PTPRD: variants seen among roughly 807,000 people sequenced by gnomAD.
The protein encoded by PTPRD is receptor-type tyrosine-protein phosphatase delta.
PTPRD carries 34 observed loss-of-function variants against 214.5 expected under a neutral mutation model. The ratio of observed to expected loss-of-function variants is 0.16; its 90% CI spans 0.12 to 0.21. PTPRD has a LOEUF of 0.21. PTPRD is among the 10% of genes least tolerant of loss of function. PTPRD has a pLI of 1.00. For synonymous variants in PTPRD, 1,128 were observed against 845.7 expected (o/e 1.33, Z -5.79); for missense variants, 2,545 against 2,398.7 (o/e 1.06, Z -1.27).
rs560843984 is a variant in PTPRD at position 8,955,189 on chromosome 9, G to C, written c.-104+63508C>G. Among the ~76,000 whole-genome samples, 42 of 151,996 alleles carry C rather than the reference G, an allele frequency of 2.8e-4. No homozygotes were observed. In the East Asian group the frequency reaches 5.2e-3, roughly 19 times the overall value. On this transcript the variant is annotated intron_variant, in intron 11 of 45. Coordinates refer to ENST00000381196, the MANE Select transcript of PTPRD (RefSeq NM_002839.4). ...AATATTAGGAAAATGTAGGCCAGCT[G>C]TTCTTTAGCTCCAGTGAGGTCAGAA... is the stretch of plus-strand genomic sequence containing the variant.
chr9:8,466,462 A>T (rs1231123028), intron 31 of PTPRD, among the ~76,000 whole-genome samples: 1 of 151,918 alleles, frequency 6.6e-6, no homozygotes, highest in Non-Finnish European at 1.5e-5. Flanking sequence ...TAAAGAAAAG[A>T]GATAGAGTTT....
intron 11 of PTPRD, among the ~76,000 whole-genome samples, chr9:8,913,238 T>C (rs2098760315): frequency 1.3e-5 from 2 of 152,114 alleles, no homozygotes; most frequent in Admixed American, 6.6e-5. Context: ...GAAAATACCA[T>C]GTATTTCATA....
At chr9:9,722,724 C>T (rs879253588) in intron 7 of PTPRD, among the ~76,000 whole-genome samples, 2 of 152,080 alleles carry the variant, frequency 1.3e-5, no homozygotes, top group Admixed American at 6.6e-5. Flanking sequence ...TCCTTGACAA[C>T]ACTTAATATC....
chr9:8,410,643 G>A (rs745626712), intron 35 of PTPRD, among the ~76,000 whole-genome samples: 25 of 152,092 alleles, frequency 1.6e-4, no homozygotes, highest in Non-Finnish European at 3.2e-4. Context: ...CATAGAAAAT[G>A]TATAAATATA....
chr9:10,373,310 A>G (rs1344184022), intron 2 of PTPRD, among the ~76,000 whole-genome samples: 4 of 152,100 alleles, frequency 2.6e-5, no homozygotes, highest in African/African-American at 9.7e-5. Context: ...ATTGATCTGA[A>G]TTTAGCCTCT....
intron 10 of PTPRD, among the ~76,000 whole-genome samples, chr9:9,073,119 G>A (rs994438085): frequency 5.3e-5 from 8 of 152,142 alleles, no homozygotes; most frequent in Admixed American, 4.6e-4. Flanking sequence ...AATGTTGAGG[G>A]AAACACTAAT....
intron 5 of PTPRD, among the ~76,000 whole-genome samples, chr9:9,905,819 C>A (rs151280978): frequency 6.6e-6 from 1 of 152,004 alleles, no homozygotes; most frequent in Non-Finnish European, 1.5e-5. Context: ...CAAACAAGGA[C>A]AAAAGAGAGA....
At chr9:9,476,343 C>A (rs2095042155) in intron 8 of PTPRD, among the ~76,000 whole-genome samples, 1 of 152,008 alleles carries the variant, frequency 6.6e-6, no homozygotes, top group African/African-American at 2.4e-5. Flanking sequence ...ATGGTGTGAA[C>A]AAATCTAGCC....
At chr9:9,627,011 A>T (rs1211002712) in intron 7 of PTPRD, among the ~76,000 whole-genome samples, 1 of 152,216 alleles carries the variant, frequency 6.6e-6, no homozygotes, top group East Asian at 1.9e-4. Context: ...GATTTCAAGG[A>T]AAATTAAATT....
At position 9,088,434 on chromosome 9, in the gene PTPRD, G is replaced by T. The variant is rs112147925; in HGVS notation, c.-142-69699C>A. ...GTCTCTACAAAAAATATAAAAATTA[G>T]CTGGGCATGGTGGCAGGCACCTATA... On this transcript the variant is annotated intron_variant, in intron 10 of 45. Coordinates refer to ENST00000381196, the MANE Select transcript of PTPRD (RefSeq NM_002839.4). Among the ~76,000 whole-genome samples the T allele has an allele frequency of 8.5e-3, 1,284 of 151,276 alleles. 15 individuals are homozygous for T. The highest frequency in any genetic ancestry group is 0.029 in the African/African-American group (1,202 of 41,272).
intron 5 of PTPRD, among the ~76,000 whole-genome samples, chr9:9,935,454 C>A (rs2088848170): frequency 6.6e-6 from 1 of 151,878 alleles, no homozygotes; most frequent in Admixed American, 6.6e-5. Flanking sequence ...AGAGCCAAAT[C>A]ATGAGTGAAC....
intron 9 of PTPRD, among the ~76,000 whole-genome samples, chr9:9,217,478 T>C (rs900558402): frequency 2.6e-5 from 4 of 152,152 alleles, no homozygotes; most frequent in Admixed American, 6.6e-5. Flanking sequence ...TTATGTCCTC[T>C]TCTTTGACAC....
intron 3 of PTPRD, among the ~76,000 whole-genome samples, chr9:10,323,349 C>G (rs1471097465): frequency 1.4e-5 from 2 of 147,590 alleles, no homozygotes; most frequent in African/African-American, 2.5e-5. Context: ...CATTGGAATG[C>G]AGTGGTGTGA....
At chr9:9,029,773 G>C (rs1264767773) in intron 10 of PTPRD, among the ~76,000 whole-genome samples, 5 of 151,850 alleles carry the variant, frequency 3.3e-5, no homozygotes, top group Non-Finnish European at 7.4e-5. Context: ...GGAACAGGTA[G>C]GTGGCTGAGT....
chr9:8,795,055 A>C (rs2154514051), intron 11 of PTPRD, among the ~76,000 whole-genome samples: 1 of 152,308 alleles, frequency 6.6e-6, no homozygotes, highest in African/African-American at 2.4e-5. Context: ...TCAAAAATGG[A>C]ACCTTTTCAA....
At chr9:8,664,732 C>T (rs969713039) in intron 12 of PTPRD, among the ~76,000 whole-genome samples, 2 of 152,220 alleles carry the variant, frequency 1.3e-5, no homozygotes, top group Non-Finnish European at 2.9e-5. Flanking sequence ...TTCCTGCATA[C>T]AGCCAGAAGC....
chr9:9,122,761 T>C (rs928650830), intron 10 of PTPRD, among the ~76,000 whole-genome samples: 1 of 152,192 alleles, frequency 6.6e-6, no homozygotes, highest in Admixed American at 6.5e-5. Flanking sequence ...CATACTCTCA[T>C]CTAATGTTTA....
intron 5 of PTPRD, among the ~76,000 whole-genome samples, chr9:9,891,912 A>G (rs981756862): frequency 9.2e-5 from 14 of 152,140 alleles, no homozygotes; most frequent in Non-Finnish European, 2.1e-4. Flanking sequence ...AATTTAATTT[A>G]AAAACTAAAA....
intron 8 of PTPRD, among the ~76,000 whole-genome samples, chr9:9,472,526 T>C (rs889952788): frequency 6.6e-6 from 1 of 152,198 alleles, no homozygotes; most frequent in African/African-American, 2.4e-5. Context: ...TTTAGGCACT[T>C]GCAATCTCAC....
Sources: allele counts gnomAD v4.1 joint callset (sites outside exome capture counted in the v4.1 genomes callset), GRCh38; gene constraint gnomAD v4.1.1; transcripts MANE v1.5; gene names NCBI Gene and HGNC (gene_info 2026-07-23, HGNC 2026-07-21).